Variants in VPS13D observed in about 807,000 individuals in gnomAD.
VPS13D encodes vacuolar protein sorting 13 homolog D, also known as intermembrane lipid transfer protein VPS13D.
In VPS13D, 187 loss-of-function variants were observed where a neutral mutation model predicts 461.9. The observed-to-expected ratio is 0.40, with a 90% confidence interval of 0.36 to 0.46. The LOEUF is 0.46. Ranked by LOEUF, VPS13D falls within the 20% of genes least tolerant of loss-of-function variation. The pLI, the probability that VPS13D is intolerant of heterozygous loss-of-function variation, is 0.60. For synonymous variants in VPS13D, 1,951 were observed against 1,986.3 expected, an observed-to-expected ratio of 0.98 and a Z score of 0.47; for missense variants, 4,711 against 5,364.9, an observed-to-expected ratio of 0.88 and a Z score of 3.81.
At chr1:12,238,981 T>C (rs2101190644) in intron 2 of VPS13D, among the ~76,000 whole-genome samples, 1 of 152,130 alleles carries the variant, frequency 6.6e-6, no homozygotes, top group Non-Finnish European at 1.5e-5. Context: ...GTTAACCTGT[T>C]TGGGAGACAA....
In VPS13D at chr1:12,369,667, T is replaced by C; in HGVS notation, c.10773T>C (p.Asn3591=). 6.2e-7 allele frequency: 1 copy of C among 1,614,180 alleles called. No homozygotes were observed. The highest frequency in any genetic ancestry group is 1.6e-4 in the Middle Eastern group (1 of 6,062). ...ATAATCGGCAGCTTTATTATGAAAA[T>C]TTCATTTACATTGCTGCTACATATA... The part of the protein sequence containing the change: ...FQDNRQLYYE[N]FIYIAATYTF... Residue 3591 remains asparagine (N), a synonymous_variant, in exon 54 of 70, where the codon AAT becomes AAC. Coordinates refer to ENST00000620676, the MANE Select transcript of VPS13D (RefSeq NM_015378.4).
intron 25 of VPS13D, among the ~76,000 whole-genome samples, chr1:12,300,207 C>CTTTTTT (rs35299447): frequency 1.5e-4 from 18 of 123,282 alleles, no homozygotes; most frequent in Admixed American, 2.8e-4. Context: ...ATTTGCTTTG[C>CTTTTTT]TTTTTTTTTT....
At chr1:12,396,019 A>G (rs1283719440) in intron 60 of VPS13D, among the ~76,000 whole-genome samples, 5 of 137,084 alleles carry the variant, frequency 3.6e-5, no homozygotes, top group South Asian at 2.3e-4. Context: ...ATATATATAT[A>G]TATATATATA....
chr1:12,300,018 C>T (rs527861948), intron 25 of VPS13D, among the ~76,000 whole-genome samples: 1 of 151,816 alleles, frequency 6.6e-6, no homozygotes, highest in South Asian at 2.1e-4. Flanking sequence ...GACCCATTCC[C>T]CCCAACCCCC....
In VPS13D at chr1:12,352,588, G is replaced by T. The variant is rs184114303; in HGVS notation, c.9432-1386G>T. Among the ~76,000 whole-genome samples the T allele has an allele frequency of 4.6e-5, 7 of 152,262 alleles. No homozygotes were observed. In the East Asian group the frequency reaches 1.4e-3, roughly 29 times the overall value. On this transcript the variant is annotated intron_variant, in intron 46 of 69. Coordinates refer to ENST00000620676, the MANE Select transcript of VPS13D (RefSeq NM_015378.4). The stretch of plus-strand genomic sequence containing the variant: ...AACACCAAGTGTTGACAAAGATGTG[G>T]AGCCACTAAACTCTCATAAGTAGCT...
intron 8 of VPS13D, among the ~76,000 whole-genome samples, 187 bp downstream of exon 8, chr1:12,256,690 GTT>G (rs372902457): frequency 8.1e-5 from 10 of 122,998 alleles, no homozygotes; most frequent in African/African-American, 1.8e-4. Context: ...TCTCAGGTTA[GTT>G]TTTTTTTTTT....
intron 65 of VPS13D, among the ~76,000 whole-genome samples, chr1:12,428,635 G>A (rs570324102): frequency 2.0e-5 from 3 of 152,152 alleles, no homozygotes; most frequent in East Asian, 1.9e-4. Flanking sequence ...AGTCTGTAAG[G>A]CCCAGTCCAC....
intron 65 of VPS13D, among the ~76,000 whole-genome samples, chr1:12,433,949 A>AGAGAGAGAGAGAGAGAGTGTGT (rs1553121770): frequency 2.8e-5 from 4 of 144,928 alleles, no homozygotes; most frequent in African/African-American, 1.0e-4. Context: ...AGAGAGAGAG[A>AGAGAGAGAGAGAGAGAGTGTGT]GTGTGTGTGT....
intron 23 of VPS13D, 55 bp from the exon 24 acceptor site, chr1:12,293,469 A>C: frequency 6.7e-7 from 1 of 1,484,370 alleles, no homozygotes; most frequent in Admixed American, 2.2e-5. Context: ...GTTTTCTTGA[A>C]ATACTAACTT....
chr1:12,416,766 A>G lies in VPS13D; in HGVS notation c.12272A>G (p.Tyr4091Cys). 1.9e-6 allele frequency: 3 copies of G among 1,614,134 alleles called. No individual in the cohort carries two copies. The highest frequency in any genetic ancestry group is 2.5e-6 in the Non-Finnish European group (3 of 1,180,024). Residue 4091 changes from tyrosine (Y) to cysteine (C), a missense_variant, in exon 65 of 70, where the codon TAT becomes TGT. Tyr to Cys is a radical substitution (Grantham distance 194). Transcript: ENST00000620676. Reference protein sequence around the residue: ...VSEGVTGLIKYGNVGGLIRNV... With the variant: ...VSEGVTGLIKCGNVGGLIRNV... Reference sequence around the variant, plus strand: ...GAAGGGGTTACTGGACTGATAAAATATGGAAATGTCGGGGGCCTCATCAGA... The same window carrying G: ...GAAGGGGTTACTGGACTGATAAAATGTGGAAATGTCGGGGGCCTCATCAGA...
chr1:12,356,149 T>A (rs990704716), intron 48 of VPS13D, 59 bp downstream of exon 48: 1 of 1,532,010 alleles, frequency 6.5e-7, no homozygotes, highest in Non-Finnish European at 8.8e-7. Context: ...TTCAGATTTA[T>A]TTGCTTAGCT....
intron 46 of VPS13D, 130 bp from the exon 47 acceptor site, chr1:12,353,844 G>T: frequency 3.2e-6 from 3 of 932,492 alleles, no homozygotes; most frequent in East Asian, 2.6e-5. Flanking sequence ...AAATGTATTT[G>T]GATTGAAAAC....
chr1:12,410,129 A>G lies in VPS13D; in HGVS notation c.12031-4958A>G, dbSNP rs554630541. ...CAGAGAAGGGACAGGCAGAAAACAA[A>G]CCCCAATAATCTGAGGTACTTTCTT... On this transcript the variant is annotated intron_variant, in intron 63 of 69. Transcript: ENST00000620676. 2.0e-5 allele frequency among the ~76,000 whole-genome samples: 3 copies of G among 152,288 alleles called. 1 individual carries two copies. In the South Asian group the frequency reaches 6.2e-4, roughly 32 times the overall value.
Position 12,333,131 on chromosome 1 carries a change from C to T in VPS13D, c.8288-95C>T, listed in dbSNP as rs1643371758. On this transcript the variant is annotated intron_variant, in intron 37 of 69. Transcript: ENST00000620676. Reference sequence around the variant, plus strand: ...GAATTGGAAGTAGAAAGCTATTAAGCTCGAGTTTGTCCTTGCTGAACATTT... The same window carrying T: ...GAATTGGAAGTAGAAAGCTATTAAGTTCGAGTTTGTCCTTGCTGAACATTT... 3.5e-6 allele frequency: 5 copies of T among 1,441,378 alleles called. No homozygotes were observed. In the East Asian group the frequency reaches 1.2e-4, roughly 33 times the overall value. The allele number at this position is 1,441,378 out of a possible 1,614,324, so 89.3% of individuals were successfully genotyped here.
At chr1:12,306,256 G>T (rs564399385) in intron 26 of VPS13D, among the ~76,000 whole-genome samples, 5 of 152,218 alleles carry the variant, frequency 3.3e-5, no homozygotes, top group African/African-American at 9.6e-5. Context: ...AGAGGCAAAG[G>T]CTTGCAGAGA....
intron 10 of VPS13D, 119 bp downstream of exon 10, chr1:12,258,222 T>G: frequency 7.9e-7 from 1 of 1,268,854 alleles, no homozygotes; most frequent in South Asian, 1.5e-5. Context: ...GGGCTAAATT[T>G]TATAGGATAG....
At position 12,400,321 on chromosome 1, in the gene VPS13D, C is replaced by T. The variant is rs756588636; in HGVS notation, c.11775C>T (p.Asn3925=). The T allele has an allele frequency of 1.9e-6, 3 of 1,613,970 alleles. No individual in the cohort carries two copies. Among genetic ancestry groups the T allele is most frequent in the Non-Finnish European group, 2.5e-6 (3 of 1,180,006 alleles). Residue 3925 remains asparagine (N), a synonymous_variant, in exon 61 of 70, where the codon AAC becomes AAT. Transcript: ENST00000620676. ...TCCCCAGTAAGAGTGCACTGACCAA[C>T]ATCTACAAGGTGGGCTGGTGGAGGA... ...VKFPSKSALT[N]IYKHLMITAQ...
intron 6 of VPS13D, 82 bp downstream of exon 6, chr1:12,249,421 A>G (rs79784349): frequency 0.016 from 17,298 of 1,070,102 alleles, 204 homozygotes; most frequent in Middle Eastern, 0.053. Flanking sequence ...ATTTTGTGTT[A>G]TGTAAATGAA....
intron 65 of VPS13D, among the ~76,000 whole-genome samples, chr1:12,420,060 T>C (rs1407086172): frequency 6.6e-6 from 1 of 152,248 alleles, no homozygotes; most frequent in East Asian, 1.9e-4. Context: ...GACTGTATTT[T>C]GATACCAGCA....
Sources: gnomAD v4.1 joint callset for allele counts (sites outside exome capture counted in the v4.1 genomes callset) on GRCh38, gnomAD v4.1.1 for gene constraint, MANE v1.5 for transcripts, NCBI Gene and HGNC (gene_info 2026-07-23, HGNC 2026-07-21) for gene names.